ITGA7: variants seen among roughly 807,000 people sequenced by gnomAD.
ITGA7 encodes integrin subunit alpha 7.
Under a neutral mutation model 131.6 loss-of-function variants are expected in ITGA7, and 84 were observed. That is an observed-to-expected ratio of 0.64 (90% CI 0.54 to 0.77). The LOEUF (loss-of-function observed/expected upper bound fraction) is 0.77. Among genes scored for constraint, ITGA7 ranks in the 30% least tolerant of loss-of-function variants. ITGA7 has a pLI of 0.00. For missense variants in ITGA7, 1,399 were observed against 1,482.9 expected, an observed-to-expected ratio of 0.94 and a Z score of 0.93; for synonymous variants, 548 against 600.7, an observed-to-expected ratio of 0.91 and a Z score of 1.28.
At chr12:55,716,155 A>G (rs1876504678), upstream of ITGA7, 1 of 1,612,558 alleles carries the variant, frequency 6.2e-7, no homozygotes, top group East Asian at 2.2e-5. Context: ...CGCCTCCTAA[A>G]AGAACACCAG....
chr12:55,696,252 C>G, intron 13 of ITGA7, 31 bp downstream of exon 13: 1 of 1,550,706 alleles, frequency 6.4e-7, no homozygotes, highest in Non-Finnish European at 8.7e-7. Flanking sequence ...CCCAGCTCCT[C>G]CCCCTGGGCT....
At chr12:55,700,285 G>A (rs767498152) in intron 4 of ITGA7, 15 of 1,607,832 alleles carry the variant, frequency 9.3e-6, no homozygotes, top group African/African-American at 4.0e-5. Flanking sequence ...GGCAGGGACC[G>A]GGATGAGGCG....
chr12:55,709,517 A>G (rs1343865324), upstream of ITGA7, among the ~76,000 whole-genome samples: 3 of 152,308 alleles, frequency 2.0e-5, no homozygotes, highest in Admixed American at 1.3e-4. Flanking sequence ...CTATAAGGAA[A>G]TACATATGCT....
intron 21 of ITGA7, among the ~76,000 whole-genome samples, chr12:55,692,081 A>T (rs1259685795): frequency 6.6e-6 from 1 of 152,212 alleles, no homozygotes; most frequent in East Asian, 1.9e-4. Context: ...AATAAATCAC[A>T]TATAATATAC....
chr12:55,706,970 T>C (rs1178344899), intron 1 of ITGA7, among the ~76,000 whole-genome samples: 1 of 152,252 alleles, frequency 6.6e-6, no homozygotes. Context: ...AGCTCTCTCC[T>C]GGCCTTCCAG....
At chr12:55,700,808 G>T in intron 4 of ITGA7, 91 bp downstream of exon 4, 1 of 1,509,972 alleles carries the variant, frequency 6.6e-7, no homozygotes, top group Non-Finnish European at 9.2e-7. Flanking sequence ...GTGCACATGT[G>T]GTCATGCTTG....
Position 55,699,973 on chromosome 12 carries a change from G to C in ITGA7, c.687C>G (p.Thr229=). The C allele has an allele frequency of 1.2e-6, 2 of 1,614,138 alleles. No homozygotes were observed. The highest frequency in any genetic ancestry group is 1.7e-6 in the Non-Finnish European group (2 of 1,180,016). ...TYNWKGLLFV[T]NIDSSDPDQL... ...GGTCGGGGTCTGAGCTATCAATGTTGGTCACAAAAAGCAACCCTGTGGGGG... is the reference window on the plus strand; with the variant it reads ...GGTCGGGGTCTGAGCTATCAATGTTCGTCACAAAAAGCAACCCTGTGGGGG... The change falls in exon 5 of 25, where the codon ACC becomes ACG. Residue 229 remains threonine, a synonymous_variant. Transcript: ENST00000257879.
upstream of ITGA7, chr12:55,708,063 C>A (rs972965882): frequency 2.0e-6 from 2 of 978,346 alleles, no homozygotes; most frequent in African/African-American, 3.5e-5. Context: ...CACCACCACG[C>A]CCCCCAAGCC....
rs1387681222 is a variant in ITGA7, at chr12:55,685,152, G to A, written c.3320C>T (p.Pro1107Leu). 1 of 1,613,794 alleles carries A rather than the reference G, an allele frequency of 6.2e-7. No homozygotes were observed. The highest frequency in any genetic ancestry group is 1.3e-5 in the African/African-American group (1 of 74,926). ...GTILRNNWGSPRREGPDAHPI... is the reference protein window; with the variant it reads ...GTILRNNWGSLRREGPDAHPI... ...GTGTGCATCCGGGCCCTCCCGCCGG[G>A]GGCTGCCCCAGTTGTTCCTCAGGAT... is the stretch of plus-strand genomic sequence containing the variant. The change falls in exon 25 of 25, where the codon CCC becomes CTC. Residue 1107 changes from proline to leucine, a missense_variant. Transcript: ENST00000257879.
At chr12:55,692,211 G>A (rs1007888759) in intron 21 of ITGA7, among the ~76,000 whole-genome samples, 29 of 152,172 alleles carry the variant, frequency 1.9e-4, no homozygotes, top group Admixed American at 5.9e-4. Context: ...TTAGGAGTTC[G>A]AGACCAGCCA....
chr12:55,709,688 C>A (rs1212286517), upstream of ITGA7, among the ~76,000 whole-genome samples: 1 of 135,176 alleles, frequency 7.4e-6, no homozygotes. Flanking sequence ...GTCCCCCCGC[C>A]CCCGACCCAG....
intron 7 of ITGA7, 69 bp downstream of exon 7, chr12:55,698,314 C>T: frequency 7.1e-7 from 1 of 1,413,312 alleles, no homozygotes; most frequent in Non-Finnish European, 9.6e-7. Context: ...CACACCCTGA[C>T]CTCTGAGGGG....
chr12:55,699,569 C>T (rs953422653), intron 5 of ITGA7: 6 of 457,224 alleles, frequency 1.3e-5, no homozygotes, highest in African/African-American at 9.9e-5. Context: ...AGGGAAAGTC[C>T]CCCTAGAAGA....
Position 55,698,535 on chromosome 12 carries a change from C to A in ITGA7, c.1040G>T (p.Arg347Leu), listed in dbSNP as rs775063840. The A allele has an allele frequency of 6.2e-7, 1 of 1,614,118 alleles. No homozygotes were observed. The highest frequency in any genetic ancestry group is 8.5e-7 in the Non-Finnish European group (1 of 1,180,024). ...CACAGCACCCCCCAGCTCTTCTTGG[C>A]GCTCAAAGAAGTAGGGGGCACCCAC... ...LIVGAPYFFE[R>L]QEELGGAVYV... The change falls in exon 7 of 25, where the codon CGC (arginine) becomes CTC (leucine). Residue 347 changes from arginine to leucine, a missense_variant. Arg to Leu is a moderately radical substitution (Grantham distance 102). Transcript: ENST00000257879.
chr12:55,697,869 C>T, intron 8 of ITGA7, 47 bp from the exon 9 acceptor site: 1 of 1,613,968 alleles, frequency 6.2e-7, no homozygotes, highest in Non-Finnish European at 8.5e-7. Context: ...TCCCGCAGGC[C>T]TCTGCCTCCC....
intron 3 of ITGA7, among the ~76,000 whole-genome samples, chr12:55,702,372 G>C (rs904639555): frequency 6.6e-6 from 1 of 152,142 alleles, no homozygotes; most frequent in Non-Finnish European, 1.5e-5. Context: ...AGTAGAGACG[G>C]GGTTTCACCA....
chr12:55,691,093 C>G lies in ITGA7; in HGVS notation c.2844+1751G>C, dbSNP rs112251133. The stretch of plus-strand genomic sequence containing the variant: ...ATGTAACTAACCTGCACATTGTGCA[C>G]ATGTACCCTAAAACTTAAAGTATAA... On this transcript the variant is annotated intron_variant, in intron 21 of 24. Coordinates refer to ENST00000257879, the MANE Select transcript of ITGA7 (RefSeq NM_002206.3). Among the ~76,000 whole-genome samples, 916 of 150,808 alleles carry G rather than the reference C, an allele frequency of 6.1e-3. 5 individuals are homozygous for G. The highest frequency in any genetic ancestry group is 0.024 in the Middle Eastern group (7 of 294).
At position 55,707,461 on chromosome 12, in the gene ITGA7, G is replaced by A. The variant is rs1428855476; in HGVS notation, c.206+16C>T. ...TGGCTCGGGCATGGCGACTCTGGGC[G>A]GGTGCGGTGACTCACCAGCTCTGGG... On this transcript the variant is annotated intron_variant, in intron 1 of 24. Coordinates refer to ENST00000257879, the MANE Select transcript of ITGA7 (RefSeq NM_002206.3). 6.9e-6 allele frequency: 11 copies of A among 1,602,192 alleles called. No individual in the cohort carries two copies. The highest frequency in any genetic ancestry group is 9.4e-6 in the Non-Finnish European group (11 of 1,169,958).
chr12:55,706,209 G>A (rs188494216), intron 1 of ITGA7, among the ~76,000 whole-genome samples: 2 of 152,366 alleles, frequency 1.3e-5, no homozygotes, highest in Non-Finnish European at 2.9e-5. Flanking sequence ...AGATGGAGAA[G>A]GAGGGAGGAA....
Sources: allele counts gnomAD v4.1 joint callset (sites outside exome capture counted in the v4.1 genomes callset), GRCh38; gene constraint gnomAD v4.1.1; transcripts MANE v1.5; gene names NCBI Gene and HGNC (gene_info 2026-07-23, HGNC 2026-07-21).